The following CRYBA2 variants were observed in gnomAD, a reference collection of about 807,000 sequenced individuals.
CRYBA2 encodes the protein beta-crystallin A2.
A neutral mutation model predicts 18.5 loss-of-function variants in CRYBA2; 17 were observed. The ratio of observed to expected loss-of-function variants is 0.92; its 90% CI spans 0.63 to 1.38. The LOEUF (loss-of-function observed/expected upper bound fraction) is 1.38, where lower values mean the gene tolerates loss of function less well. Ranked by LOEUF, CRYBA2 falls within the 40% of genes most tolerant of loss-of-function variation. CRYBA2 has a pLI of 0.00. For missense variants in CRYBA2, 271 were observed against 265.0 expected (o/e 1.02, Z -0.16); for synonymous variants, 101 against 106.2 (o/e 0.95, Z 0.30).
rs115331727 is a variant in CRYBA2, at chr2:218,991,633, G to A, written c.303+469C>T. 553 of 157,756 alleles carry A rather than the reference G, an allele frequency of 3.5e-3. 5 individuals are homozygous for A. The highest frequency in any genetic ancestry group is 0.012 in the African/African-American group (519 of 41,734). The allele number at this position is 157,756 out of a possible 1,614,324, so 9.8% of individuals were successfully genotyped here. ...AATGGAAAATGAGGTCCTCTCTTTC[G>A]GTGTATTTGATTCATTAACAACACC... On this transcript the variant is annotated intron_variant, in intron 2 of 3. Transcript: ENST00000295728.
chr2:218,992,245 T>G lies in CRYBA2; in HGVS notation c.162-2A>C. The G allele has an allele frequency of 6.2e-7, 1 of 1,612,786 alleles. No homozygotes were observed. Among genetic ancestry groups the G allele is most frequent in the Non-Finnish European group, 8.5e-7 (1 of 1,179,678 alleles). On this transcript the variant is annotated splice_acceptor_variant, in intron 1 of 3. Transcript: ENST00000295728. LOFTEE classifies it high-confidence loss of function. ...TCGGGGTACTCAAAGGCCACCCAAC[T>G]GGAAAAGGAGAAGAGCTGGGAGGTA... is the stretch of plus-strand genomic sequence containing the variant.
At chr2:218,992,338 A>T in intron 1 of CRYBA2, 95 bp from the exon 2 acceptor site, 2 of 1,350,202 alleles carry the variant, frequency 1.5e-6, no homozygotes, top group Non-Finnish European at 2.0e-6. Context: ...GAGAAGCACA[A>T]TGTTTTTCTC....
intron 2 of CRYBA2, 128 bp downstream of exon 2, chr2:218,991,973 GC>G (rs748778166): frequency 1.6e-5 from 12 of 748,396 alleles, no homozygotes; most frequent in Non-Finnish European, 2.5e-5. Context: ...GAGAAATAAT[GC>G]TACTACCACC....
chr2:218,992,058 G>A (rs767658857), intron 2 of CRYBA2, 44 bp downstream of exon 2: 7 of 1,574,966 alleles, frequency 4.4e-6, no homozygotes, highest in East Asian at 2.3e-5. Flanking sequence ...TGAGGCCAGG[G>A]CCTGGAGCTA....
At position 218,993,166 on chromosome 2, in the gene CRYBA2, G is replaced by T; in HGVS notation, c.11C>A (p.Ala4Asp). The stretch of plus-strand genomic sequence containing the variant: ...GGCGGGCGCCGGGCCCGGCGCGGGG[G>T]CGCTGCTCATGCCGCTGCGGACAGG... MSS[A>D]PAPGPAPASL... The change falls in exon 1 of 4, where the codon GCC becomes GAC. Residue 4 changes from alanine (A) to aspartate (D), a missense_variant. Physicochemically the swap from Ala to Asp is moderately radical, Grantham distance 126. Coordinates refer to ENST00000295728, the MANE Select transcript of CRYBA2 (RefSeq NM_057093.2). This position sits in a 1 kb window ranked among gnomAD's most constrained non-coding sequence, Gnocchi z 7.7. 1 of 1,602,438 alleles carries T rather than the reference G, an allele frequency of 6.2e-7. No homozygotes were observed. The highest frequency in any genetic ancestry group is 8.5e-7 in the Non-Finnish European group (1 of 1,175,584).
In CRYBA2 at chr2:218,990,244, C is replaced by T. The variant is rs184853949; in HGVS notation, c.*8G>A. ...TGTCCTCAGGGAAGGTGTCTGGGGC[C>T]GTGGAGCCTAGTGCTGGACTCTCCG... On this transcript the variant is annotated 3_prime_UTR_variant, in exon 4 of 4. Transcript: ENST00000295728. The T allele has an allele frequency of 3.0e-5, 48 of 1,614,070 alleles. No individual in the cohort carries two copies. The highest frequency in any genetic ancestry group is 3.9e-5 in the Non-Finnish European group (46 of 1,179,964).
intron 2 of CRYBA2, 71 bp from the exon 3 acceptor site, chr2:218,991,065 A>C: frequency 6.4e-7 from 1 of 1,571,868 alleles, no homozygotes. Context: ...CCTCTGCCTC[A>C]CTTCCCCCAC....
intron 2 of CRYBA2, 129 bp from the exon 3 acceptor site, chr2:218,991,123 C>A: frequency 1.4e-6 from 2 of 1,400,044 alleles, no homozygotes; most frequent in Non-Finnish European, 9.7e-7. Flanking sequence ...CACAGGCACT[C>A]CCAGAGCTCA....
Position 218,993,161 on chromosome 2 carries a change from C to T in CRYBA2, c.16G>A (p.Ala6Thr). The T allele has an allele frequency of 6.2e-7, 1 of 1,603,352 alleles. No homozygotes were observed. Among genetic ancestry groups the T allele is most frequent in the Non-Finnish European group, 8.5e-7 (1 of 1,175,950 alleles). ...AGGCTGGCGGGCGCCGGGCCCGGCG[C>T]GGGGGCGCTGCTCATGCCGCTGCGG... MSSAP[A>T]PGPAPASLTL... is the part of the protein sequence containing the mutation. Residue 6 changes from alanine to threonine, a missense_variant, in exon 1 of 4, where the codon GCG (alanine) becomes ACG (threonine). Ala to Thr is a moderately conservative substitution (Grantham distance 58, BLOSUM62 0). Transcript: ENST00000295728. This position sits in a 1 kb window ranked among gnomAD's most constrained non-coding sequence, Gnocchi z 7.7.
Position 218,993,284 on chromosome 2 carries a change from CTGGA to C in CRYBA2, c.-112_-109del. 8.5e-7 allele frequency: 1 copy of C among 1,171,744 alleles called. No individual in the cohort carries two copies. Among genetic ancestry groups the C allele is most frequent in the Non-Finnish European group, 1.2e-6 (1 of 846,624 alleles). 72.6% of individuals were successfully genotyped at this position (1,171,744 alleles called of 1,614,324 possible). On this transcript the variant is annotated 5_prime_UTR_variant, in exon 1 of 4. It removes the in-frame stop codon of an upstream open reading frame in the 5' UTR. Transcript: ENST00000295728. This position sits in a 1 kb window ranked among gnomAD's most constrained non-coding sequence, Gnocchi z 7.7. ...GGGTAGCGGATGAAGAACCCGGGGG[CTGGA>C]CCCGGCCTAGCTCTGGACCCGGCTG...
chr2:218,990,639 T>C (rs745639408), intron 3 of CRYBA2, among the ~76,000 whole-genome samples: 3 of 150,178 alleles, frequency 2.0e-5, no homozygotes, highest in Non-Finnish European at 3.0e-5. Context: ...TCTCCAGCCC[T>C]TCATCTGTGC....
chr2:218,990,503 C>A, intron 3 of CRYBA2, 104 bp from the exon 4 acceptor site: 1 of 1,402,984 alleles, frequency 7.1e-7, no homozygotes, highest in Non-Finnish European at 9.7e-7. Context: ...CCCCCAGTTC[C>A]AAAATCATTG....
At chr2:218,992,958 G>A in intron 1 of CRYBA2, 58 bp downstream of exon 1, 1 of 1,423,608 alleles carries the variant, frequency 7.0e-7, no homozygotes, top group Non-Finnish European at 9.7e-7. Context: ...TCTGAGCCTA[G>A]GCCGGTGGAA....
chr2:218,990,190 G>A lies in CRYBA2; in HGVS notation c.*62C>T, dbSNP rs907957193. Reference sequence around the variant, plus strand: ...AGCAAGACACCAAGGAGGCAAGAGGGGCAGGAAGATTCAGGAACCTTTATT... The same window carrying A: ...AGCAAGACACCAAGGAGGCAAGAGGAGCAGGAAGATTCAGGAACCTTTATT... On this transcript the variant is annotated 3_prime_UTR_variant, in exon 4 of 4. Transcript: ENST00000295728. The A allele has an allele frequency of 1.9e-6, 3 of 1,598,052 alleles. No homozygotes were observed. In the African/African-American group the frequency reaches 4.0e-5, roughly 21 times the overall value.
Position 218,992,153 on chromosome 2 carries a change from G to T in CRYBA2, c.252C>A (p.Ser84Arg). The T allele has an allele frequency of 6.2e-7, 1 of 1,611,706 alleles. No individual in the cohort carries two copies. The highest frequency in any genetic ancestry group is 8.5e-7 in the Non-Finnish European group (1 of 1,179,652). Reference protein sequence around the residue: ...DYPRWSAWSGSSSHNSNQLLS... With the variant: ...DYPRWSAWSGRSSHNSNQLLS... ...GCAGCTGGTTGCTGTTGTGGCTGCTGCTGCCACTCCAGGCGCTCCAGCGAG... is the reference window on the plus strand; with the variant it reads ...GCAGCTGGTTGCTGTTGTGGCTGCTTCTGCCACTCCAGGCGCTCCAGCGAG... The change falls in exon 2 of 4, where the codon AGC becomes AGA. Residue 84 changes from serine to arginine, a missense_variant. By Grantham distance (110) the Ser-to-Arg change is moderately radical (BLOSUM62 -1). Coordinates refer to ENST00000295728, the MANE Select transcript of CRYBA2 (RefSeq NM_057093.2).
At chr2:218,992,308 C>G in intron 1 of CRYBA2, 65 bp from the exon 2 acceptor site, 3 of 1,538,918 alleles carry the variant, frequency 1.9e-6, no homozygotes, top group Non-Finnish European at 2.7e-6. Context: ...TCCCCCTTGC[C>G]GGCCATGATT....
At position 218,993,109 on chromosome 2, in the gene CRYBA2, T is replaced by C. The variant is rs781621127; in HGVS notation, c.68A>G (p.Gln23Arg). ...GCTTAGCAGCCGACAGCGACGGCCC[T>C]GGAAGTCCTCCTCGTCCCAGAGCGT... Reference protein sequence around the residue: ...SLTLWDEEDFQGRRCRLLSDC... With the variant: ...SLTLWDEEDFRGRRCRLLSDC... Residue 23 changes from glutamine (Q) to arginine (R), a missense_variant, in exon 1 of 4, where the codon CAG becomes CGG. Gln to Arg is a conservative substitution (Grantham distance 43, BLOSUM62 1). Transcript: ENST00000295728. The surrounding 1 kb of genome is among the most constrained non-coding windows in gnomAD (Gnocchi z 7.7). 1.1e-5 allele frequency: 18 copies of C among 1,611,674 alleles called. No individual in the cohort carries two copies. The highest frequency in any genetic ancestry group is 1.4e-5 in the Non-Finnish European group (17 of 1,179,400).
Position 218,990,702 on chromosome 2 carries a change from C to T in CRYBA2, c.446+150G>A. 4.9e-6 allele frequency: 5 copies of T among 1,020,852 alleles called. No individual in the cohort carries two copies. In the East Asian group the frequency reaches 1.3e-4, roughly 26 times the overall value. The allele number at this position is 1,020,852 out of a possible 1,614,324, so 63.2% of individuals were successfully genotyped here. A position where few individuals can be genotyped will look rare whatever the true frequency, so the allele number is the denominator to read the frequency against. ...CTAGGACCTCCTCATTTCCTCCCTT[C>T]CAGTCTGACTCCATCATCTCCCTCC... On this transcript the variant is annotated intron_variant, in intron 3 of 3. Transcript: ENST00000295728.
At chr2:218,991,534 A>G (rs1035165450) in intron 2 of CRYBA2, 3 of 155,448 alleles carry the variant, frequency 1.9e-5, no homozygotes, top group Non-Finnish European at 4.3e-5. Context: ...CTCTTGGAAC[A>G]GAAGAATTGG....
Sources: allele counts gnomAD v4.1 joint callset (sites outside exome capture counted in the v4.1 genomes callset), GRCh38; gene constraint gnomAD v4.1.1; non-coding constraint Gnocchi (gnomAD v3.1); transcripts MANE v1.5; gene names NCBI Gene and HGNC (gene_info 2026-07-23, HGNC 2026-07-21).